PLP1: variants seen among roughly 807,000 people sequenced by gnomAD.
PLP1 encodes the protein myelin proteolipid protein.
A neutral mutation model predicts 18.5 loss-of-function variants in PLP1; 2 were observed. The ratio of observed to expected loss-of-function variants is 0.11; its 90% CI spans 0.04 to 0.34. PLP1 has a LOEUF of 0.34. Ranked by LOEUF, PLP1 falls within the 10% of genes least tolerant of loss-of-function variation. PLP1 has a pLI of 1.00. For synonymous variants in PLP1, 86 were observed against 83.2 expected, an observed-to-expected ratio of 1.03 and a Z score of -0.19; for missense variants, 105 against 207.3, an observed-to-expected ratio of 0.51 and a Z score of 3.03.
intron 1 of PLP1, among the ~76,000 whole-genome samples, chrX:103,777,573 T>TGTGTGTGTATGTGCATATGTGC (rs1451683077): frequency 9.0e-6 from 1 of 111,685 alleles, no homozygotes; most frequent in African/African-American, 3.3e-5. Context: ...GGTAGGAGTG[T>TGTGTGTGTATGTGCATATGTGC]GTGTGTGTAT....
At chrX:103,780,954 T>G (rs753927834) in intron 1 of PLP1, 20 of 145,748 alleles carry the variant, frequency 1.4e-4, no homozygotes, top group Admixed American at 2.2e-4. Flanking sequence ...AAGACTGTAG[T>G]GCAGATTCGA....
intron 5 of PLP1, 114 bp from the exon 6 acceptor site, chrX:103,789,219 G>A: frequency 1.6e-6 from 1 of 622,112 alleles, no homozygotes; most frequent in Non-Finnish European, 2.8e-6. Context: ...TAGAGATGTG[G>A]AATTAGCACA....
chrX:103,787,959 A>G lies in PLP1; in HGVS notation c.615A>G (p.Arg205=), dbSNP rs747619543. The G allele has an allele frequency of 4.2e-5, 50 of 1,204,802 alleles. No homozygotes were observed. The highest frequency in any genetic ancestry group is 2.2e-5 in the Non-Finnish European group (20 of 890,376). ...ASIGSLCADA[R]MYGVLPWNAF... ...TAGGCAGTCTCTGTGCTGATGCCAG[A>G]ATGTATGGTGAGTTAGGGTACGGGT... Residue 205 remains arginine (R), a synonymous_variant, in exon 4 of 7, where the codon AGA becomes AGG. Transcript: ENST00000621218.
rs191185689 is a variant in PLP1 at position 103,791,299 on chromosome X, C to G, written c.*701C>G. 3.8e-5 allele frequency: 4 copies of G among 104,222 alleles called. No homozygotes were observed. The highest frequency in any genetic ancestry group is 8.0e-5 in the Non-Finnish European group (4 of 49,881). 8.6% of individuals were successfully genotyped at this position (104,222 alleles called of 1,213,427 possible). ...CTGTGTAGACGAAGGGGGCATCTGG[C>G]CTTACACCTCGTTAGGGAAGAGAAA... is the stretch of plus-strand genomic sequence containing the variant. On this transcript the variant is annotated 3_prime_UTR_variant, in exon 7 of 7. Transcript: ENST00000621218.
At chrX:103,785,010 A>G (rs1393268514) in intron 1 of PLP1, among the ~76,000 whole-genome samples, 1 of 112,309 alleles carries the variant, frequency 8.9e-6, no homozygotes, top group Non-Finnish European at 1.9e-5. Flanking sequence ...GAATTGCTGA[A>G]TTATTATTAT....
intron 1 of PLP1, chrX:103,781,396 A>G: frequency 3.6e-6 from 1 of 276,018 alleles, no homozygotes; most frequent in East Asian, 1.1e-4. Flanking sequence ...CAACTATCAC[A>G]GATTGATTAG....
At chrX:103,782,894 C>A (rs1442892567) in intron 1 of PLP1, among the ~76,000 whole-genome samples, 1 of 112,175 alleles carries the variant, frequency 8.9e-6, no homozygotes, top group South Asian at 3.7e-4. Context: ...ATGGAGGGCT[C>A]TGTCCAAGCC....
At chrX:103,781,465 G>A (rs1254858701) in intron 1 of PLP1, among the ~76,000 whole-genome samples, 7 of 112,034 alleles carry the variant, frequency 6.2e-5, no homozygotes, top group African/African-American at 1.9e-4. Flanking sequence ...TTTTCCCTTT[G>A]CTTACATTTT....
chrX:103,790,458 C>T (rs1046421680), intron 6 of PLP1, 69 bp from the exon 7 acceptor site: 17 of 780,102 alleles, frequency 2.2e-5, no homozygotes, highest in Non-Finnish European at 3.0e-5. Context: ...TCCTCATTCC[C>T]AAAGGGATTT....
intron 1 of PLP1, among the ~76,000 whole-genome samples, chrX:103,783,371 C>T (rs1222077801): frequency 8.9e-6 from 1 of 112,348 alleles, no homozygotes; most frequent in African/African-American, 3.2e-5. Flanking sequence ...TTATAGAGGC[C>T]AAGTTTCCTG....
chrX:103,781,973 C>T (rs1028482205), intron 1 of PLP1, among the ~76,000 whole-genome samples: 1 of 207 alleles, frequency 4.8e-3, no homozygotes, highest in Admixed American at 5.7e-3. Context: ...ATTGTTCACA[C>T]ATACCCAAGG....
Position 103,785,665 on chromosome X carries a change from G to A in PLP1, c.88G>A (p.Ala30Thr), listed in dbSNP as rs1372739626. The change falls in exon 2 of 7, where the codon GCA becomes ACA. Residue 30 changes from alanine (A) to threonine (T), a missense_variant. Coordinates refer to ENST00000621218, the MANE Select transcript of PLP1 (RefSeq NM_000533.5). ...VATGLCFFGV[A>T]LFCGCGHEAL... ...CACTGGATTGTGTTTCTTTGGGGTG[G>A]CACTGTTCTGTGGCTGTGGACATGA... 2 of 1,209,193 alleles carry A rather than the reference G, an allele frequency of 1.7e-6. No homozygotes were observed. The highest frequency in any genetic ancestry group is 3.0e-5 in the East Asian group (1 of 33,843).
At chrX:103,786,421 A>T (rs762042640) in intron 2 of PLP1, 44 bp from the exon 3 acceptor site, 1 of 1,182,080 alleles carries the variant, frequency 8.5e-7, no homozygotes, top group Non-Finnish European at 1.1e-6. Context: ...CAGGTCTTCA[A>T]TTAATAAGAT....
chrX:103,776,696 A>G (rs2074413270), upstream of PLP1: 1 of 307,777 alleles, frequency 3.2e-6, no homozygotes, highest in Non-Finnish European at 5.7e-6. Flanking sequence ...AACAATTGGC[A>G]GTGAAAGGCA....
At chrX:103,778,658 C>T (rs966520413) in intron 1 of PLP1, among the ~76,000 whole-genome samples, 20 of 111,528 alleles carry the variant, frequency 1.8e-4, no homozygotes, top group African/African-American at 5.9e-4. Flanking sequence ...CAGATAAGGG[C>T]ACGATTGAGG....
At chrX:103,777,273 C>T (rs1331324946) in intron 1 of PLP1, among the ~76,000 whole-genome samples, 1 of 111,524 alleles carries the variant, frequency 9.0e-6, no homozygotes, top group Non-Finnish European at 1.9e-5. Context: ...ATGTGTCCTC[C>T]TACCCCCTCA....
At position 103,785,622 on chromosome X, in the gene PLP1, C is replaced by A. The variant is rs2074488844; in HGVS notation, c.45C>A (p.Pro15=). 8.3e-7 allele frequency: 1 copy of A among 1,208,691 alleles called. No homozygotes were observed. Among genetic ancestry groups the A allele is most frequent in the East Asian group, 3.0e-5 (1 of 33,745 alleles). ...GTGCAAGATGTCTGGTAGGGGCCCC[C>A]TTTGCTTCCCTGGTGGCCACTGGAT... ...ECCARCLVGA[P]FASLVATGLC... is the part of the protein sequence containing the mutation. The change falls in exon 2 of 7, where the codon CCC becomes CCA. Residue 15 remains proline, a synonymous_variant. Transcript: ENST00000621218.
intron 1 of PLP1, chrX:103,780,775 C>G (rs1456142687): frequency 8.9e-6 from 1 of 112,611 alleles, no homozygotes; most frequent in African/African-American, 3.3e-5. Flanking sequence ...TCTCTGGCAC[C>G]TCTTGATAAT....
At chrX:103,785,242 A>G (rs2074485051) in intron 1 of PLP1, among the ~76,000 whole-genome samples, 1 of 110,848 alleles carries the variant, frequency 9.0e-6, no homozygotes, top group African/African-American at 3.3e-5. Flanking sequence ...ATGCCCGGCT[A>G]ATTTTTGTAT....
Sources: allele counts gnomAD v4.1 joint callset (sites outside exome capture counted in the v4.1 genomes callset), GRCh38; gene constraint gnomAD v4.1.1; transcripts MANE v1.5; gene names NCBI Gene and HGNC (gene_info 2026-07-23, HGNC 2026-07-21).